Variants in DSC3 observed in about 807,000 individuals in gnomAD.
DSC3 encodes desmocollin 3, also known as desmocollin-3.
Under a neutral mutation model 89.5 loss-of-function variants are expected in DSC3, and 97 were observed. The ratio of observed to expected loss-of-function variants is 1.08; its 90% confidence interval spans 0.92 to 1.28. The LOEUF (loss-of-function observed/expected upper bound fraction) is 1.28, where lower values mean the gene tolerates loss of function less well. DSC3 is among the 50% of genes most tolerant of loss of function. The pLI, the probability that DSC3 is intolerant of heterozygous loss-of-function variation, is 0.00. For missense variants in DSC3, 1,199 were observed against 1,085.3 expected (o/e 1.10, Z -1.47); for synonymous variants, 436 against 384.1 (o/e 1.14, Z -1.58).
intron 1 of DSC3, among the ~76,000 whole-genome samples, chr18:31,040,174 C>G (rs1200919010): frequency 6.6e-6 from 1 of 152,014 alleles, no homozygotes; most frequent in Non-Finnish European, 1.5e-5. Context: ...GGAGTTATTG[C>G]AAACGTTTCA....
chr18:31,041,686 G>T (rs1424925268), intron 1 of DSC3, among the ~76,000 whole-genome samples: 1 of 152,216 alleles, frequency 6.6e-6, no homozygotes, highest in African/African-American at 2.4e-5. Context: ...TAACCGCGCC[G>T]CCAGAGTTCC....
chr18:31,007,523 G>A (rs73409865), intron 11 of DSC3, among the ~76,000 whole-genome samples: 1 of 152,120 alleles, frequency 6.6e-6, no homozygotes, highest in Non-Finnish European at 1.5e-5. Flanking sequence ...AGATTCCTAG[G>A]CTCCACAACC....
Position 30,997,039 on chromosome 18 carries a change from T to G in DSC3, c.2245A>C (p.Asn749His), listed in dbSNP as rs1305578106. 2.5e-6 allele frequency: 4 copies of G among 1,614,052 alleles called. No homozygotes were observed. The highest frequency in any genetic ancestry group is 3.4e-6 in the Non-Finnish European group (4 of 1,180,020). The change falls in exon 15 of 16, where the codon AAT (asparagine) becomes CAT (histidine). Residue 749 changes from asparagine to histidine, a missense_variant. Coordinates refer to ENST00000360428, the MANE Select transcript of DSC3 (RefSeq NM_001941.5). ...TTGGTAGTTTGGGTCATAAATCCAT[T>G]GGCAGAGCACTGAAATAATAAAATG... is the stretch of plus-strand genomic sequence containing the variant. ...APGDDRVCSANGFMTQTTNNS... is the reference protein window; with the variant it reads ...APGDDRVCSAHGFMTQTTNNS...
intron 15 of DSC3, among the ~76,000 whole-genome samples, 168 bp downstream of exon 15, chr18:30,996,623 C>T (rs568063286): frequency 1.3e-5 from 2 of 152,128 alleles, no homozygotes; most frequent in East Asian, 3.9e-4. Context: ...GAAATAAAAT[C>T]TCTTTTAAAT....
intron 1 of DSC3, among the ~76,000 whole-genome samples, chr18:31,039,684 C>A (rs150126527): frequency 6.6e-6 from 1 of 152,062 alleles, no homozygotes; most frequent in Non-Finnish European, 1.5e-5. Context: ...CTACAGGTCA[C>A]CACAGATACC....
chr18:31,006,506 G>A (rs1425613150), intron 12 of DSC3, among the ~76,000 whole-genome samples: 1 of 151,918 alleles, frequency 6.6e-6, no homozygotes, highest in East Asian at 1.9e-4. Flanking sequence ...CACCATGTTG[G>A]CCAGGCTGGT....
rs1985712589 is a variant in DSC3 at position 31,029,564 on chromosome 18, A to G, written c.419T>C (p.Ile140Thr). ...LRRAKRRWAPIPCSMQENSLG... is the reference protein window; with the variant it reads ...LRRAKRRWAPTPCSMQENSLG... ...GGAATTCTCTTGCATAGAGCAAGGA[A>G]TAGGTGCCCATCTCCTCTTGGCACG... Residue 140 changes from isoleucine to threonine, a missense_variant, in exon 4 of 16, where the codon ATT (isoleucine) becomes ACT (threonine). Transcript: ENST00000360428. 1.2e-6 allele frequency: 2 copies of G among 1,613,902 alleles called. No individual in the cohort carries two copies. The highest frequency in any genetic ancestry group is 1.7e-6 in the Non-Finnish European group (2 of 1,179,764).
In DSC3 at chr18:31,029,646, C is replaced by T. The variant is rs1230718124; in HGVS notation, c.355-18G>A. ...TTCGATACCTGAATTTAGAGAAAAA[C>T]AAATACATGAATAAACAAAAGCATC... On this transcript the variant is annotated intron_variant, in intron 3 of 15. Transcript: ENST00000360428. 9.9e-6 allele frequency: 16 copies of T among 1,613,300 alleles called. No homozygotes were observed. Among genetic ancestry groups the T allele is most frequent in the Non-Finnish European group, 1.4e-5 (16 of 1,179,362 alleles).
intron 8 of DSC3, 76 bp from the exon 9 acceptor site, chr18:31,018,332 A>C: frequency 9.2e-7 from 1 of 1,085,574 alleles, no homozygotes; most frequent in Non-Finnish European, 1.3e-6. Context: ...CTTCCATTCC[A>C]AAAATACTTA....
intron 1 of DSC3, among the ~76,000 whole-genome samples, chr18:31,034,834 G>A (rs750811543): frequency 6.6e-6 from 1 of 152,080 alleles, no homozygotes; most frequent in Non-Finnish European, 1.5e-5. Context: ...TGGGTATGAG[G>A]CTTATTTTTA....
chr18:30,996,413 C>T (rs1984467347), intron 15 of DSC3, among the ~76,000 whole-genome samples: 1 of 151,946 alleles, frequency 6.6e-6, no homozygotes, highest in African/African-American at 2.4e-5. Flanking sequence ...AAACTGCATA[C>T]AAATGTTGGT....
At chr18:31,021,412 G>A (rs1414181821) in intron 7 of DSC3, among the ~76,000 whole-genome samples, 1 of 151,738 alleles carries the variant, frequency 6.6e-6, no homozygotes, top group Non-Finnish European at 1.5e-5. Flanking sequence ...AAAATGCTCC[G>A]GCCCCATAAA....
intron 9 of DSC3, among the ~76,000 whole-genome samples, chr18:31,012,219 A>T (rs1045632925): frequency 6.6e-6 from 1 of 152,210 alleles, no homozygotes; most frequent in Non-Finnish European, 1.5e-5. Flanking sequence ...AGGTACGATT[A>T]GCAAAGGAGC....
chr18:31,031,056 T>A lies in DSC3; in HGVS notation c.271A>T (p.Lys91Ter). The A allele has an allele frequency of 1.2e-6, 2 of 1,614,092 alleles. No individual in the cohort carries two copies. Among genetic ancestry groups the A allele is most frequent in the Non-Finnish European group, 1.7e-6 (2 of 1,179,976 alleles). ...TARAVALSDKKRSFTIWLSDK... is the reference protein window; with the variant it reads ...TARAVALSDK Reference sequence around the variant, plus strand: ...GAAAGCCATATGGTAAATGATCTTTTCTTATCAGACAGCGCAACAGCCCTG... The same window carrying A: ...GAAAGCCATATGGTAAATGATCTTTACTTATCAGACAGCGCAACAGCCCTG... The change falls in exon 3 of 16, where the codon AAA (lysine) becomes TAA (stop). Residue 91 changes from lysine to a stop codon, truncating the protein, a stop_gained. Transcript: ENST00000360428. LOFTEE classifies it high-confidence loss of function.
At chr18:31,026,625 T>C (rs1406983299) in intron 4 of DSC3, among the ~76,000 whole-genome samples, 1 of 152,084 alleles carries the variant, frequency 6.6e-6, no homozygotes. Flanking sequence ...CAGAATTTGC[T>C]GATGAGTTGG....
At chr18:30,998,308 A>G (rs1481818268) in intron 14 of DSC3, among the ~76,000 whole-genome samples, 1 of 152,192 alleles carries the variant, frequency 6.6e-6, no homozygotes, top group Non-Finnish European at 1.5e-5. Context: ...AATCAAGGAC[A>G]GAGTTAGAAA....
chr18:31,040,943 A>T (rs1042308359), intron 1 of DSC3, among the ~76,000 whole-genome samples: 2 of 152,080 alleles, frequency 1.3e-5, no homozygotes, highest in African/African-American at 4.8e-5. Context: ...TTTTCTGTGC[A>T]CTTTCCGGTA....
chr18:31,029,453 A>G, intron 4 of DSC3, 56 bp downstream of exon 4: 1 of 1,603,808 alleles, frequency 6.2e-7, no homozygotes, highest in Non-Finnish European at 8.5e-7. Context: ...ATTAAATCTC[A>G]ATGAAACAGA....
Position 31,031,027 on chromosome 18 carries a change from G to A in DSC3, c.300C>T (p.Asp100=), listed in dbSNP as rs754314173. Residue 100 remains aspartate (D), a synonymous_variant, in exon 3 of 16, where the codon GAC becomes GAT. Transcript: ENST00000360428. ...KKRSFTIWLS[D]KRKQTQKEVT... is the part of the protein sequence containing the mutation. Reference sequence around the variant, plus strand: ...CCTCTTTCTGTGTCTGTTTCCTTTTGTCAGAAAGCCATATGGTAAATGATC... The same window carrying A: ...CCTCTTTCTGTGTCTGTTTCCTTTTATCAGAAAGCCATATGGTAAATGATC... 1 of 1,613,830 alleles carries A rather than the reference G, an allele frequency of 6.2e-7. No homozygotes were observed. Among genetic ancestry groups the A allele is most frequent in the Non-Finnish European group, 8.5e-7 (1 of 1,179,892 alleles).
Sources: allele counts gnomAD v4.1 joint callset (sites outside exome capture counted in the v4.1 genomes callset), GRCh38; gene constraint gnomAD v4.1.1; transcripts MANE v1.5; gene names NCBI Gene and HGNC (gene_info 2026-07-23, HGNC 2026-07-21).